Variants in RAB2A observed in about 807,000 individuals in gnomAD.
The protein encoded by RAB2A is RAB2A, member RAS oncogene family.
In RAB2A, 7 loss-of-function variants were observed where a neutral mutation model predicts 32.5. The observed-to-expected ratio is 0.22, with a 90% CI of 0.12 to 0.40. RAB2A has a LOEUF of 0.40. RAB2A is among the 10% of genes least tolerant of loss of function. The pLI is 1.00. For synonymous variants in RAB2A, 79 were observed against 85.2 expected (o/e 0.93, Z 0.40); for missense variants, 108 against 260.7 (o/e 0.41, Z 4.03).
chr8:60,599,450 T>G (rs568867062), intron 6 of RAB2A, among the ~76,000 whole-genome samples: 1 of 152,174 alleles, frequency 6.6e-6, no homozygotes, highest in South Asian at 2.1e-4. Flanking sequence ...AAAATATATA[T>G]GGAAAGGCAG....
chr8:60,567,895 T>C (rs1808139857), intron 2 of RAB2A, among the ~76,000 whole-genome samples: 1 of 152,198 alleles, frequency 6.6e-6, no homozygotes, highest in African/African-American at 2.4e-5. Context: ...CCAAAGTCTC[T>C]AGAATAATTT....
At chr8:60,620,124 A>C (rs1387728522) in intron 7 of RAB2A, among the ~76,000 whole-genome samples, 1 of 152,254 alleles carries the variant, frequency 6.6e-6, no homozygotes, top group African/African-American at 2.4e-5. Flanking sequence ...GGTAAAATCC[A>C]CTTGAGGGAG....
intron 7 of RAB2A, among the ~76,000 whole-genome samples, chr8:60,619,809 G>T (rs902581561): frequency 6.6e-6 from 1 of 152,194 alleles, no homozygotes; most frequent in Non-Finnish European, 1.5e-5. Flanking sequence ...CCAACAGGCC[G>T]TGCTATTTAT....
At chr8:60,543,897 A>T (rs1320931299) in intron 1 of RAB2A, among the ~76,000 whole-genome samples, 1 of 151,802 alleles carries the variant, frequency 6.6e-6, no homozygotes, top group Non-Finnish European at 1.5e-5. Context: ...CCCCGTCTCT[A>T]CTAAAAATAC....
chr8:60,585,618 A>C (rs557122401), intron 5 of RAB2A, among the ~76,000 whole-genome samples: 6 of 152,294 alleles, frequency 3.9e-5, no homozygotes, highest in African/African-American at 1.2e-4. Flanking sequence ...CGGCCCATTC[A>C]TTCTTTAGGG....
rs1168640260 is a variant in RAB2A at position 60,618,499 on chromosome 8, T to A, written c.475-81T>A. On this transcript the variant is annotated intron_variant, in intron 6 of 7. Coordinates refer to ENST00000262646, the MANE Select transcript of RAB2A (RefSeq NM_002865.3). Reference sequence around the variant, plus strand: ...CGATTGACTTTCATATGTTGAATGTTATGATATTCTATAGAGCATATATAA... The same window carrying A: ...CGATTGACTTTCATATGTTGAATGTAATGATATTCTATAGAGCATATATAA... 4.7e-6 allele frequency: 3 copies of A among 634,888 alleles called. No homozygotes were observed. In the East Asian group the frequency reaches 1.5e-4, roughly 32 times the overall value. The allele number at this position is 634,888 out of a possible 1,614,324, so 39.3% of individuals were successfully genotyped here. A position where few individuals can be genotyped will look rare whatever the true frequency, so the allele number is the denominator to read the frequency against.
intron 1 of RAB2A, among the ~76,000 whole-genome samples, chr8:60,549,344 G>A (rs940758646): frequency 1.1e-4 from 16 of 152,210 alleles, no homozygotes; most frequent in Non-Finnish European, 2.4e-4. Context: ...CTCCAGCCTG[G>A]GCACCATTGA....
At chr8:60,561,543 T>TTG (rs1388505175) in intron 2 of RAB2A, among the ~76,000 whole-genome samples, 2 of 152,218 alleles carry the variant, frequency 1.3e-5, no homozygotes, top group Admixed American at 1.3e-4. Flanking sequence ...TCATGCCTAT[T>TTG]TCATTTTTCT....
intron 6 of RAB2A, among the ~76,000 whole-genome samples, chr8:60,597,844 A>T (rs1293718015): frequency 1.3e-5 from 2 of 152,232 alleles, no homozygotes; most frequent in Non-Finnish European, 2.9e-5. Context: ...GTAACAAAAC[A>T]GAAGCTATCA....
chr8:60,596,472 A>G (rs1804026074), intron 6 of RAB2A, among the ~76,000 whole-genome samples: 1 of 152,218 alleles, frequency 6.6e-6, no homozygotes, highest in African/African-American at 2.4e-5. Flanking sequence ...AACCCCATCA[A>G]AAAGTGGGCG....
intron 3 of RAB2A, among the ~76,000 whole-genome samples, chr8:60,580,231 G>A (rs532527409): frequency 3.6e-4 from 55 of 151,868 alleles, no homozygotes; most frequent in Non-Finnish European, 4.4e-4. Context: ...GCCTGACCTC[G>A]TGATCTGCCT....
intron 6 of RAB2A, among the ~76,000 whole-genome samples, chr8:60,607,428 C>CA (rs773988383): frequency 0.08 from 4,530 of 56,274 alleles, 193 homozygotes; most frequent in East Asian, 0.16. Flanking sequence ...GACTCCATCT[C>CA]AAAAAAAAAA....
At chr8:60,581,445 T>C (rs1420387338) in intron 3 of RAB2A, among the ~76,000 whole-genome samples, 1 of 152,216 alleles carries the variant, frequency 6.6e-6, no homozygotes, top group African/African-American at 2.4e-5. Context: ...GGGAGACTTT[T>C]ATCACACTAC....
intron 1 of RAB2A, among the ~76,000 whole-genome samples, chr8:60,518,494 A>C (rs758174118): frequency 2.0e-4 from 30 of 151,518 alleles, no homozygotes; most frequent in Non-Finnish European, 4.0e-4. Flanking sequence ...CGTCTCTACT[A>C]AAAGTACAAA....
rs1463097586 is a variant in RAB2A, at chr8:60,621,459, T to C, written c.*690T>C. Reference sequence around the variant, plus strand: ...ATGTATATTACAAAGGCTTTGTATATGTTAACCTGTTTTAATGCCAAAAGT... The same window carrying C: ...ATGTATATTACAAAGGCTTTGTATACGTTAACCTGTTTTAATGCCAAAAGT... On this transcript the variant is annotated 3_prime_UTR_variant, in exon 8 of 8. Coordinates refer to ENST00000262646, the MANE Select transcript of RAB2A (RefSeq NM_002865.3). 6.6e-6 allele frequency: 1 copy of C among 152,198 alleles called. No homozygotes were observed. Among genetic ancestry groups the C allele is most frequent in the Non-Finnish European group, 1.5e-5 (1 of 68,016 alleles). 9.4% of individuals were successfully genotyped at this position (152,198 alleles called of 1,614,324 possible). A position where few individuals can be genotyped will look rare whatever the true frequency, so the allele number is the denominator to read the frequency against.
At chr8:60,568,185 A>G (rs1477677801) in intron 2 of RAB2A, among the ~76,000 whole-genome samples, 2 of 152,194 alleles carry the variant, frequency 1.3e-5, no homozygotes, top group African/African-American at 4.8e-5. Flanking sequence ...CTCTACACCT[A>G]GCTGTGCTCT....
chr8:60,615,365 T>C (rs954126970), intron 6 of RAB2A, among the ~76,000 whole-genome samples: 10 of 152,216 alleles, frequency 6.6e-5, no homozygotes, highest in African/African-American at 2.4e-4. Flanking sequence ...CAAATTAAAC[T>C]AATTCTGTGA....
chr8:60,595,473 A>G (rs1157126830), intron 6 of RAB2A, among the ~76,000 whole-genome samples: 1 of 152,254 alleles, frequency 6.6e-6, no homozygotes, highest in Non-Finnish European at 1.5e-5. Flanking sequence ...TTTAAAAACA[A>G]TGACTTAGCT....
In RAB2A at chr8:60,556,641, T is replaced by TAAAA. The variant is rs11393857; in HGVS notation, c.47-2193_47-2190dup. 5.3e-4 allele frequency among the ~76,000 whole-genome samples: 56 copies of TAAAA among 106,450 alleles called. 1 individual carries two copies. The East Asian group carries it at 9.2e-3, about 17-fold the overall frequency. The allele number at this position is 106,450 out of a possible 152,430, so 69.8% of individuals were successfully genotyped here. A position where few individuals can be genotyped will look rare whatever the true frequency, so the allele number is the denominator to read the frequency against. ...ATAGTGAGACCCTACCTCTTTTTAA[T>TAAAA]AAAAAAAAAAAAAAAAAAAAAGAGG... On this transcript the variant is annotated intron_variant, in intron 1 of 7. Transcript: ENST00000262646.
Sources: allele counts gnomAD v4.1 joint callset (sites outside exome capture counted in the v4.1 genomes callset), GRCh38; gene constraint gnomAD v4.1.1; transcripts MANE v1.5; gene names NCBI Gene and HGNC (gene_info 2026-07-23, HGNC 2026-07-21).